The following KCNQ5 variants were observed in gnomAD, a reference collection of about 807,000 sequenced individuals.
KCNQ5 encodes the protein potassium voltage-gated channel subfamily Q member 5.
Under a neutral mutation model 98.2 loss-of-function variants are expected in KCNQ5, and 30 were observed. The observed-to-expected ratio is 0.31, with a 90% confidence interval of 0.23 to 0.41. KCNQ5 has a LOEUF of 0.41. KCNQ5 is among the 10% of genes least tolerant of loss of function. KCNQ5 has a pLI of 1.00. For missense variants in KCNQ5, 835 were observed against 1,182.5 expected (o/e 0.71, Z 4.31); for synonymous variants, 458 against 449.4 (o/e 1.02, Z -0.24).
At chr6:72,975,962 A>G (rs536478906) in intron 1 of KCNQ5, among the ~76,000 whole-genome samples, 1 of 152,360 alleles carries the variant, frequency 6.6e-6, no homozygotes, top group African/African-American at 2.4e-5. Context: ...TTTTTAAAAC[A>G]AGTGAATCAT....
chr6:72,827,140 G>A (rs1243377954), intron 1 of KCNQ5, among the ~76,000 whole-genome samples: 1 of 152,188 alleles, frequency 6.6e-6, no homozygotes, highest in African/African-American at 2.4e-5. Flanking sequence ...GTACACCTCA[G>A]TTGATGCTGT....
At chr6:72,819,038 T>A (rs1017353150) in intron 1 of KCNQ5, among the ~76,000 whole-genome samples, 40 of 152,008 alleles carry the variant, frequency 2.6e-4, no homozygotes, top group Non-Finnish European at 1.2e-4. Flanking sequence ...TGTTATTTCA[T>A]GATTTGAAAA....
chr6:72,846,426 G>A lies in KCNQ5; in HGVS notation c.399-157482G>A, dbSNP rs546749528. Among the ~76,000 whole-genome samples the A allele has an allele frequency of 2.6e-5, 4 of 151,958 alleles. No homozygotes were observed. In the East Asian group the frequency reaches 7.8e-4, roughly 29 times the overall value. ...GGGCCTGGCACAGTGGCTCACACCT[G>A]TAATCCCAACATTGAGGTGGGAGGA... On this transcript the variant is annotated intron_variant, in intron 1 of 13. Transcript: ENST00000370398.
chr6:72,793,341 T>G (rs1293406191), intron 1 of KCNQ5, among the ~76,000 whole-genome samples: 1 of 152,198 alleles, frequency 6.6e-6, no homozygotes, highest in Non-Finnish European at 1.5e-5. Flanking sequence ...ACACCATTGA[T>G]GGCAGCACAG....
chr6:72,649,116 A>C (rs1415571494), intron 1 of KCNQ5, among the ~76,000 whole-genome samples: 1 of 152,160 alleles, frequency 6.6e-6, no homozygotes, highest in African/African-American at 2.4e-5. Context: ...TCCTGCTCGC[A>C]GATGTGCAAC....
chr6:72,767,507 A>G (rs975984250), intron 1 of KCNQ5, among the ~76,000 whole-genome samples: 8 of 152,034 alleles, frequency 5.3e-5, no homozygotes, highest in African/African-American at 1.9e-4. Context: ...CAAAGTTAAA[A>G]AATTTTTGTG....
chr6:73,089,522 C>T (rs1241174315), intron 5 of KCNQ5, among the ~76,000 whole-genome samples: 2 of 152,098 alleles, frequency 1.3e-5, no homozygotes, highest in Non-Finnish European at 2.9e-5. Flanking sequence ...AAGCAGTATA[C>T]ACTGCACCCT....
At chr6:73,013,071 A>G (rs6928147) in intron 2 of KCNQ5, among the ~76,000 whole-genome samples, 16,126 of 152,074 alleles carry the variant, frequency 0.11, 2,286 homozygotes, top group African/African-American at 0.33. Flanking sequence ...TGCTACACTT[A>G]AGGAAATATT....
intron 11 of KCNQ5, among the ~76,000 whole-genome samples, chr6:73,174,359 C>A (rs1778131741): frequency 6.6e-6 from 1 of 152,072 alleles, no homozygotes; most frequent in African/African-American, 2.4e-5. Flanking sequence ...TTGTGAATAT[C>A]AACAAAACCA....
At chr6:72,715,819 A>T (rs1231471787) in intron 1 of KCNQ5, among the ~76,000 whole-genome samples, 2 of 152,220 alleles carry the variant, frequency 1.3e-5, no homozygotes, top group South Asian at 4.1e-4. Flanking sequence ...ATTATTTTAC[A>T]AAATCTGAAT....
intron 6 of KCNQ5, among the ~76,000 whole-genome samples, chr6:73,109,178 G>A (rs1449884535): frequency 6.6e-6 from 1 of 152,146 alleles, no homozygotes; most frequent in African/African-American, 2.4e-5. Context: ...AATACGTAGT[G>A]AACATTTACC....
chr6:72,696,755 C>A (rs568035268), intron 1 of KCNQ5, among the ~76,000 whole-genome samples: 8 of 152,094 alleles, frequency 5.3e-5, no homozygotes, highest in African/African-American at 1.7e-4. Context: ...ATTGGAAACA[C>A]CTTTGCATAG....
chr6:72,667,732 G>A (rs1201978243), intron 1 of KCNQ5, among the ~76,000 whole-genome samples: 1 of 152,108 alleles, frequency 6.6e-6, no homozygotes, highest in Non-Finnish European at 1.5e-5. Context: ...TCCATATTAT[G>A]TTTCCTAATG....
chr6:72,872,781 T>C (rs1778262671), intron 1 of KCNQ5, among the ~76,000 whole-genome samples: 1 of 151,976 alleles, frequency 6.6e-6, no homozygotes, highest in Non-Finnish European at 1.5e-5. Context: ...CAATGAAGAG[T>C]ATTGTTCAAT....
chr6:72,943,660 G>A (rs1420314888), intron 1 of KCNQ5, among the ~76,000 whole-genome samples: 1 of 152,210 alleles, frequency 6.6e-6, no homozygotes, highest in African/African-American at 2.4e-5. Flanking sequence ...CAGAGGTTAA[G>A]AGCAAAAGGT....
At chr6:72,848,863 C>T (rs1033121414) in intron 1 of KCNQ5, among the ~76,000 whole-genome samples, 2 of 152,138 alleles carry the variant, frequency 1.3e-5, no homozygotes, top group Admixed American at 6.6e-5. Context: ...GACGTGTTTG[C>T]TTCCCCTTCT....
chr6:72,780,106 C>G (rs555205325), intron 1 of KCNQ5, among the ~76,000 whole-genome samples: 189 of 152,230 alleles, frequency 1.2e-3, no homozygotes, highest in African/African-American at 4.4e-3. Context: ...ATTAAGTATT[C>G]TTTACTATGT....
chr6:72,956,207 C>T (rs1193408541), intron 1 of KCNQ5, among the ~76,000 whole-genome samples: 1 of 152,170 alleles, frequency 6.6e-6, no homozygotes, highest in African/African-American at 2.4e-5. Flanking sequence ...GTGACAACAT[C>T]TTTATTTTAC....
At chr6:73,063,675 AGATAGATAGAT>A (rs373119103) in intron 3 of KCNQ5, among the ~76,000 whole-genome samples, 17 of 81,644 alleles carry the variant, frequency 2.1e-4, no homozygotes, top group South Asian at 5.5e-4. Flanking sequence ...GATGATAGAT[AGATAGATAGAT>A]GATAGATAGA....
Sources: gnomAD v4.1 joint callset for allele counts (sites outside exome capture counted in the v4.1 genomes callset) on GRCh38, gnomAD v4.1.1 for gene constraint, MANE v1.5 for transcripts, NCBI Gene and HGNC (gene_info 2026-07-23, HGNC 2026-07-21) for gene names.